JAK2: variants seen among roughly 807,000 people sequenced by gnomAD.
JAK2 encodes the protein Janus kinase 2, also known as tyrosine-protein kinase JAK2.
Under a neutral mutation model 139.3 loss-of-function variants are expected in JAK2, and 86 were observed. That is an observed-to-expected ratio of 0.62 (90% CI 0.52 to 0.74). The LOEUF (loss-of-function observed/expected upper bound fraction) is 0.74. Among genes scored for constraint, JAK2 ranks in the 30% least tolerant of loss-of-function variants. The pLI, the probability that JAK2 is intolerant of heterozygous loss-of-function variation, is 0.00. For missense variants in JAK2, 1,421 were observed against 1,360.3 expected, an observed-to-expected ratio of 1.04 and a Z score of -0.70; for synonymous variants, 490 against 437.7, an observed-to-expected ratio of 1.12 and a Z score of -1.49.
At chr9:4,993,970 C>T (rs1820413750) in intron 2 of JAK2, among the ~76,000 whole-genome samples, 1 of 152,126 alleles carries the variant, frequency 6.6e-6, no homozygotes, top group Admixed American at 6.5e-5. Flanking sequence ...ATGAGTGTGC[C>T]TTGCAGTGGG....
intron 2 of JAK2, among the ~76,000 whole-genome samples, chr9:5,000,240 A>T (rs934878657): frequency 2.6e-5 from 4 of 152,004 alleles, no homozygotes; most frequent in South Asian, 2.1e-4. Flanking sequence ...TTTCACTTAG[A>T]TGTGGGGTTT....
intron 2 of JAK2, among the ~76,000 whole-genome samples, chr9:4,994,411 T>C (rs1025057456): frequency 1.3e-5 from 2 of 152,200 alleles, no homozygotes; most frequent in Non-Finnish European, 2.9e-5. Context: ...CCAGAGTTTG[T>C]TTCATTAGCT....
chr9:5,091,856 A>AAATT (rs1167412996), intron 22 of JAK2, among the ~76,000 whole-genome samples: 1 of 152,102 alleles, frequency 6.6e-6, no homozygotes, highest in African/African-American at 2.4e-5. Context: ...GTTAGTTATG[A>AAATT]AATTAAGCTC....
At chr9:5,027,981 T>C (rs114375989) in intron 3 of JAK2, among the ~76,000 whole-genome samples, 2,162 of 152,256 alleles carry the variant, frequency 0.014, 64 homozygotes, top group African/African-American at 0.05. Context: ...TCTTCCAAAC[T>C]CCTGTTAATG....
At chr9:5,104,939 C>CA (rs1203518632) in intron 22 of JAK2, among the ~76,000 whole-genome samples, 1 of 152,182 alleles carries the variant, frequency 6.6e-6, no homozygotes, top group Admixed American at 6.5e-5. Context: ...ATGACAAACT[C>CA]ACAGCCAATA....
chr9:5,114,514 C>A, intron 22 of JAK2: 1 of 467,894 alleles, frequency 2.1e-6, no homozygotes, highest in South Asian at 1.8e-5. Context: ...GTGTTTGCAA[C>A]GCTAGAAGAG....
rs1227655940 is a variant in JAK2 at position 5,082,439 on chromosome 9, C to T, written c.2571+578C>T. Among the ~76,000 whole-genome samples, 5 of 152,342 alleles carry T rather than the reference C, an allele frequency of 3.3e-5. No homozygotes were observed. In the South Asian group the frequency reaches 6.2e-4, roughly 19 times the overall value. On this transcript the variant is annotated intron_variant, in intron 19 of 24. Coordinates refer to ENST00000381652, the MANE Select transcript of JAK2 (RefSeq NM_004972.4). ...AAGCAGCATTGCTGCCAACATGTCT[C>T]GCCTCCCGCCACAGGGCAGTTTTTC... is the stretch of plus-strand genomic sequence containing the variant.
intron 19 of JAK2, among the ~76,000 whole-genome samples, chr9:5,088,613 A>C (rs185320956): frequency 6.6e-5 from 10 of 152,342 alleles, no homozygotes; most frequent in African/African-American, 1.4e-4. Flanking sequence ...GGCTGCTATA[A>C]CAAAATACCA....
rs138246376 is a variant in JAK2 at position 4,994,370 on chromosome 9, T to C, written c.-26+8348T>C. Reference sequence around the variant, plus strand: ...TTATCAGAATTACCTAAAGGACTTATTGAAACACAAATTGCCGCTGGGCCC... The same window carrying C: ...TTATCAGAATTACCTAAAGGACTTACTGAAACACAAATTGCCGCTGGGCCC... On this transcript the variant is annotated intron_variant, in intron 2 of 24. Coordinates refer to ENST00000381652, the MANE Select transcript of JAK2 (RefSeq NM_004972.4). Among the ~76,000 whole-genome samples, 50 of 152,330 alleles carry C rather than the reference T, an allele frequency of 3.3e-4. No individual in the cohort carries two copies. In the East Asian group the frequency reaches 9.4e-3, roughly 29 times the overall value.
intron 13 of JAK2, among the ~76,000 whole-genome samples, chr9:5,073,205 A>G (rs974193678): frequency 7.2e-5 from 11 of 152,224 alleles, no homozygotes; most frequent in Non-Finnish European, 2.9e-5. Context: ...ATTGTGATTC[A>G]CTAATCATAC....
intron 2 of JAK2, among the ~76,000 whole-genome samples, chr9:4,992,863 C>T (rs1288069363): frequency 6.6e-6 from 1 of 152,158 alleles, no homozygotes; most frequent in African/African-American, 2.4e-5. Flanking sequence ...GTTGCCAGTT[C>T]CTTGATTAGG....
chr9:5,000,835 A>G (rs992958386), intron 2 of JAK2, among the ~76,000 whole-genome samples: 2 of 152,206 alleles, frequency 1.3e-5, no homozygotes, highest in Admixed American at 6.5e-5. Flanking sequence ...ATGTATAAAT[A>G]TCAGGTAAGA....
intron 2 of JAK2, among the ~76,000 whole-genome samples, chr9:5,016,098 G>A (rs184732130): frequency 1.3e-5 from 2 of 150,096 alleles, no homozygotes; most frequent in Non-Finnish European, 1.5e-5. Flanking sequence ...ACTGCCAGCC[G>A]TCGCTTCCCT....
chr9:5,008,008 C>T (rs1821431163), intron 2 of JAK2, among the ~76,000 whole-genome samples: 1 of 152,122 alleles, frequency 6.6e-6, no homozygotes, highest in Non-Finnish European at 1.5e-5. Flanking sequence ...GGATTACAGG[C>T]ATGAGCCACC....
At chr9:5,035,000 T>G (rs1445248160) in intron 4 of JAK2, among the ~76,000 whole-genome samples, 1 of 150,724 alleles carries the variant, frequency 6.6e-6, no homozygotes, top group East Asian at 1.9e-4. Flanking sequence ...GCAAGAATAA[T>G]AAGAAAAGAG....
At chr9:5,028,886 T>G (rs1216966228) in intron 3 of JAK2, among the ~76,000 whole-genome samples, 1 of 152,262 alleles carries the variant, frequency 6.6e-6, no homozygotes, top group Admixed American at 6.5e-5. Flanking sequence ...TGGTTTGATC[T>G]TCTATCTAGA....
intron 3 of JAK2, among the ~76,000 whole-genome samples, chr9:5,023,758 A>C (rs1822589822): frequency 6.6e-6 from 1 of 152,092 alleles, no homozygotes; most frequent in African/African-American, 2.4e-5. Flanking sequence ...TCATGGTTTT[A>C]GTTTTTAGTG....
At chr9:5,049,455 T>C (rs1817262087) in intron 5 of JAK2, among the ~76,000 whole-genome samples, 1 of 152,248 alleles carries the variant, frequency 6.6e-6, no homozygotes, top group South Asian at 2.1e-4. Context: ...CTGTTTTGTG[T>C]CCATCATACA....
At chr9:5,036,536 C>G (rs971714779) in intron 4 of JAK2, among the ~76,000 whole-genome samples, 1 of 151,092 alleles carries the variant, frequency 6.6e-6, no homozygotes, top group East Asian at 1.9e-4. Context: ...GAGATATAGA[C>G]CAATGGAAAG....
Sources: allele counts gnomAD v4.1 joint callset (sites outside exome capture counted in the v4.1 genomes callset), GRCh38; gene constraint gnomAD v4.1.1; transcripts MANE v1.5; gene names NCBI Gene and HGNC (gene_info 2026-07-23, HGNC 2026-07-21).